The following REV3L variants were observed in gnomAD, a reference collection of about 807,000 sequenced individuals.
REV3L encodes the protein REV3 like, DNA directed polymerase zeta catalytic subunit.
In REV3L, 69 loss-of-function variants were observed where a neutral mutation model predicts 299.4. The ratio of observed to expected loss-of-function variants is 0.23; its 90% CI spans 0.19 to 0.28. The LOEUF (loss-of-function observed/expected upper bound fraction) is 0.28. REV3L is among the 10% of genes least tolerant of loss of function. The pLI, the probability that REV3L is intolerant of heterozygous loss-of-function variation, is 1.00. For missense variants in REV3L, 3,128 were observed against 3,693.8 expected, an observed-to-expected ratio of 0.85 and a Z score of 3.97; for synonymous variants, 1,238 against 1,271.4, an observed-to-expected ratio of 0.97 and a Z score of 0.56.
At chr6:111,465,761 A>AAAC (rs1554250464) in intron 1 of REV3L, among the ~76,000 whole-genome samples, 5 of 130,418 alleles carry the variant, frequency 3.8e-5, no homozygotes, top group East Asian at 1.9e-4. Context: ...AAAAAAAAAA[A>AAAC]AAAAACTTTG....
chr6:111,435,855 T>C (rs1034544088), intron 1 of REV3L, among the ~76,000 whole-genome samples: 1 of 152,122 alleles, frequency 6.6e-6, no homozygotes, highest in Non-Finnish European at 1.5e-5. Flanking sequence ...AAACAATCAA[T>C]GAAGTGATAA....
At chr6:111,332,699 A>G (rs184201319) in intron 23 of REV3L, among the ~76,000 whole-genome samples, 2 of 152,344 alleles carry the variant, frequency 1.3e-5, no homozygotes, top group East Asian at 3.9e-4. Context: ...TTTAATTTAC[A>G]TTAATTAATA....
At chr6:111,465,453 G>A (rs1791337578) in intron 1 of REV3L, among the ~76,000 whole-genome samples, 2 of 151,702 alleles carry the variant, frequency 1.3e-5, no homozygotes, top group Non-Finnish European at 2.9e-5. Flanking sequence ...AATTTTGTTG[G>A]CTGAGCGCAG....
At position 111,390,158 on chromosome 6, in the gene REV3L, C is replaced by G; in HGVS notation, c.685G>C (p.Glu229Gln). 6.2e-7 allele frequency: 1 copy of G among 1,602,402 alleles called. No homozygotes were observed. Among genetic ancestry groups the G allele is most frequent in the South Asian group, 1.1e-5 (1 of 90,640 alleles). ...TCTAATTCACATGTACTCTGTGGTTCAACACCTTCCAATATTAAAGAGCTG... is the reference window on the plus strand; with the variant it reads ...TCTAATTCACATGTACTCTGTGGTTGAACACCTTCCAATATTAAAGAGCTG... ...IPSSLILEGV[E>Q]PQSTCELEVD... The change falls in exon 6 of 32, where the codon GAA becomes CAA. Residue 229 changes from glutamate (E) to glutamine (Q), a missense_variant. Glu to Gln is a conservative substitution (Grantham distance 29). Transcript: ENST00000368802.
At chr6:111,409,781 A>C (rs1326133685) in intron 3 of REV3L, among the ~76,000 whole-genome samples, 4 of 152,080 alleles carry the variant, frequency 2.6e-5, no homozygotes, top group African/African-American at 7.2e-5. Context: ...TTTTTTTTTA[A>C]ATTTTTTTAT....
intron 3 of REV3L, among the ~76,000 whole-genome samples, chr6:111,407,137 A>G (rs1290165891): frequency 1.3e-5 from 2 of 152,204 alleles, no homozygotes; most frequent in African/African-American, 4.8e-5. Flanking sequence ...CTAAAATTCA[A>G]ATCAAAATTT....
At chr6:111,391,547 C>T (rs1040547996) in intron 5 of REV3L, among the ~76,000 whole-genome samples, 7 of 152,250 alleles carry the variant, frequency 4.6e-5, no homozygotes, top group Admixed American at 6.5e-5. Flanking sequence ...TTCAAACACA[C>T]GTATCTTTTC....
intron 24 of REV3L, among the ~76,000 whole-genome samples, chr6:111,330,662 A>G (rs1260100133): frequency 6.6e-6 from 1 of 152,188 alleles, no homozygotes; most frequent in Non-Finnish European, 1.5e-5. Context: ...CTAACCTCTA[A>G]TTCATTTGGT....
At chr6:111,414,601 A>G (rs1784569240) in intron 2 of REV3L, among the ~76,000 whole-genome samples, 1 of 152,194 alleles carries the variant, frequency 6.6e-6, no homozygotes, top group South Asian at 2.1e-4. Context: ...TCCAGAGGAA[A>G]GCCTAGATTA....
chr6:111,434,999 G>A (rs529613372), intron 1 of REV3L, among the ~76,000 whole-genome samples: 1 of 152,176 alleles, frequency 6.6e-6, no homozygotes, highest in Non-Finnish European at 1.5e-5. Flanking sequence ...GAGCCCAGGA[G>A]TTCAAGGTAA....
At position 111,363,083 on chromosome 6, in the gene REV3L, T is replaced by G. The variant is rs892655051; in HGVS notation, c.6879+770A>C. On this transcript the variant is annotated intron_variant, in intron 16 of 31. Coordinates refer to ENST00000368802, the MANE Select transcript of REV3L (RefSeq NM_001372078.1). Reference sequence around the variant, plus strand: ...TATTCTTTCCAATGCATACTGTAGCTGATGTATATTTTTGCAAAGTCCTAG... The same window carrying G: ...TATTCTTTCCAATGCATACTGTAGCGGATGTATATTTTTGCAAAGTCCTAG... Among the ~76,000 whole-genome samples the G allele has an allele frequency of 2.0e-5, 3 of 152,310 alleles. No homozygotes were observed. The South Asian group carries it at 6.2e-4, about 32-fold the overall frequency.
intron 12 of REV3L, 22 bp from the exon 13 acceptor site, chr6:111,376,779 A>G (rs755779979): frequency 2.0e-6 from 3 of 1,498,420 alleles, no homozygotes; most frequent in African/African-American, 2.8e-5. Flanking sequence ...AGGGAAAAAC[A>G]GTTTATTTCA....
chr6:111,376,809 A>C, intron 12 of REV3L, 52 bp from the exon 13 acceptor site: 1 of 1,417,926 alleles, frequency 7.1e-7, no homozygotes, highest in Non-Finnish European at 9.3e-7. Context: ...TTTAATTTTT[A>C]AGACATTTTC....
At chr6:111,382,838 G>A (rs781025916) in intron 9 of REV3L, among the ~76,000 whole-genome samples, 19 of 152,090 alleles carry the variant, frequency 1.2e-4, no homozygotes, top group Non-Finnish European at 2.4e-4. Flanking sequence ...AGCTCCAGAA[G>A]ACTCTTTCAT....
In REV3L at chr6:111,373,288, T is replaced by C; in HGVS notation, c.5067A>G (p.Gln1689=). 1 of 1,614,050 alleles carries C rather than the reference T, an allele frequency of 6.2e-7. No homozygotes were observed. The highest frequency in any genetic ancestry group is 1.1e-5 in the South Asian group (1 of 91,074). ...SDAVQDLFPG[Q]AIEKNEFLSH... The stretch of plus-strand genomic sequence containing the variant: ...TTAAAAACTCATTTTTTTCTATAGC[T>C]TGTCCTGGAAAAAGATCCTGAACAG... The change falls in exon 13 of 32, where the codon CAA becomes CAG. Residue 1689 remains glutamine (Q), a synonymous_variant. Transcript: ENST00000368802.
rs1779932737 is a variant in REV3L, at chr6:111,372,804, T to G, written c.5551A>C (p.Thr1851Pro). Residue 1851 changes from threonine (T) to proline (P), a missense_variant, in exon 13 of 32, where the codon ACT (threonine) becomes CCT (proline). Transcript: ENST00000368802. The stretch of plus-strand genomic sequence containing the variant: ...GTAGATCTTGGTGAACTATCAGGAG[T>G]TGGTGTCAACATATCATTGTTTCTT... Reference protein sequence around the residue: ...VSRNNDMLTPTPDSSPRSTSS... With the variant: ...VSRNNDMLTPPPDSSPRSTSS... 1.2e-6 allele frequency: 2 copies of G among 1,613,258 alleles called. No individual in the cohort carries two copies. Among genetic ancestry groups the G allele is most frequent in the Non-Finnish European group, 8.5e-7 (1 of 1,179,640 alleles).
At chr6:111,371,952 A>G (rs1276556918) in intron 13 of REV3L, among the ~76,000 whole-genome samples, 1 of 152,154 alleles carries the variant, frequency 6.6e-6, no homozygotes, top group Non-Finnish European at 1.5e-5. Context: ...TCGGCCTCCC[A>G]AAGTGCTGGG....
intron 1 of REV3L, among the ~76,000 whole-genome samples, chr6:111,474,956 C>T (rs1320803821): frequency 1.3e-5 from 2 of 150,162 alleles, no homozygotes; most frequent in Admixed American, 6.7e-5. Flanking sequence ...CGTATCCTCC[C>T]ATGCACATTA....
chr6:111,392,709 C>G (rs549407141), intron 5 of REV3L, 167 bp downstream of exon 5: 2 of 479,684 alleles, frequency 4.2e-6, no homozygotes, highest in African/African-American at 3.9e-5. Flanking sequence ...TTTTTAAAAT[C>G]GTTTATTCCT....
Sources: allele counts gnomAD v4.1 joint callset (sites outside exome capture counted in the v4.1 genomes callset), GRCh38; gene constraint gnomAD v4.1.1; transcripts MANE v1.5; gene names NCBI Gene and HGNC (gene_info 2026-07-23, HGNC 2026-07-21).